Variants in GNAI1 observed in about 807,000 individuals in gnomAD.
GNAI1 encodes the protein guanine nucleotide-binding protein G(i) subunit alpha-1.
GNAI1 carries 11 observed loss-of-function variants against 38.9 expected under a neutral mutation model. That is an observed-to-expected ratio of 0.28 (90% confidence interval 0.18 to 0.47). The LOEUF is 0.47. Ranked by LOEUF, GNAI1 falls within the 20% of genes least tolerant of loss-of-function variation. The probability of loss-of-function intolerance (pLI) is 0.99; values close to 1 mark genes in which losing one functional copy is unlikely to be tolerated. For synonymous variants in GNAI1, 166 were observed against 145.1 expected (o/e 1.14, Z -1.04); for missense variants, 317 against 436.9 (o/e 0.73, Z 2.45).
At chr7:80,153,749 A>G (rs1787768639) in intron 1 of GNAI1, among the ~76,000 whole-genome samples, 1 of 148,436 alleles carries the variant, frequency 6.7e-6, no homozygotes, top group East Asian at 2.1e-4. Context: ...ACAAAGTGGT[A>G]TTTTATTTTT....
intron 7 of GNAI1, among the ~76,000 whole-genome samples, chr7:80,216,774 T>C (rs372003851): frequency 2.6e-5 from 4 of 152,174 alleles, no homozygotes; most frequent in East Asian, 3.9e-4. Context: ...AGTGTGTCAT[T>C]CACTTTTTTT....
At chr7:80,146,473 T>A (rs1384380373) in intron 1 of GNAI1, among the ~76,000 whole-genome samples, 1 of 152,196 alleles carries the variant, frequency 6.6e-6, no homozygotes, top group Non-Finnish European at 1.5e-5. Flanking sequence ...GGTTTTTGTG[T>A]TTTTTTCCCA....
intron 4 of GNAI1, among the ~76,000 whole-genome samples, chr7:80,201,047 T>C (rs1788678067): frequency 6.6e-6 from 1 of 152,210 alleles, no homozygotes; most frequent in South Asian, 2.1e-4. Context: ...TAATGTGTTT[T>C]TACCTAATAT....
intron 1 of GNAI1, among the ~76,000 whole-genome samples, chr7:80,156,629 T>C (rs1787823242): frequency 6.6e-6 from 1 of 152,150 alleles, no homozygotes; most frequent in East Asian, 1.9e-4. Context: ...AGGTGGTATC[T>C]TGCTCTGTTT....
chr7:80,181,326 A>G (rs906255871), intron 1 of GNAI1, among the ~76,000 whole-genome samples: 2 of 152,188 alleles, frequency 1.3e-5, no homozygotes, highest in African/African-American at 2.4e-5. Flanking sequence ...TTGCTTAAGT[A>G]TCTTAGGGAC....
intron 1 of GNAI1, among the ~76,000 whole-genome samples, chr7:80,137,307 C>CTTTTTTTTTTTTTTTTTTTTTTTTTTTT: frequency 1.6e-5 from 1 of 61,208 alleles, no homozygotes; most frequent in Non-Finnish European, 3.5e-5. Flanking sequence ...TTTTTTTTTT[C>CTTTTTTTTTTTTTTTTTTTTTTTTTTTT]TTTTCTTTTC....
intron 7 of GNAI1, among the ~76,000 whole-genome samples, chr7:80,214,690 A>G (rs543371204): frequency 6.6e-6 from 1 of 152,258 alleles, no homozygotes; most frequent in African/African-American, 2.4e-5. Flanking sequence ...GCAACTCTCA[A>G]TTTCCTGTGG....
intron 1 of GNAI1, among the ~76,000 whole-genome samples, chr7:80,186,586 C>T (rs918128287): frequency 6.6e-6 from 1 of 152,040 alleles, no homozygotes; most frequent in Non-Finnish European, 1.5e-5. Context: ...TTCTTCCTTT[C>T]GTGGATCTCA....
rs539429053 is a variant in GNAI1 at position 80,157,417 on chromosome 7, G to T, written c.118+22139G>T. On this transcript the variant is annotated intron_variant, in intron 1 of 7. Coordinates refer to ENST00000649796, the MANE Select transcript of GNAI1 (RefSeq NM_002069.6). ...AAGCTATTGTAAGCATCCATGTGTA[G>T]ATTTTTGTGTGGACATGTTTTAATG... Among the ~76,000 whole-genome samples, 32 of 152,306 alleles carry T rather than the reference G, an allele frequency of 2.1e-4. No homozygotes were observed. The South Asian group carries it at 6.6e-3, about 32-fold the overall frequency.
chr7:80,221,631 A>ATTTTC lies in GNAI1; in HGVS notation c.*4143_*4147dup, dbSNP rs1789076916. The stretch of plus-strand genomic sequence containing the variant: ...TTTATATTTTAATGTTAGGTTGGAA[A>ATTTTC]TTTTCTTTTTTTTTTTTTTTTTTTT... On this transcript the variant is annotated 3_prime_UTR_variant, in exon 8 of 8. Coordinates refer to ENST00000649796, the MANE Select transcript of GNAI1 (RefSeq NM_002069.6). Among the ~76,000 whole-genome samples, 1 of 78,466 alleles carries ATTTTC rather than the reference A, an allele frequency of 1.3e-5. No individual in the cohort carries two copies. Among genetic ancestry groups the ATTTTC allele is most frequent in the African/African-American group, 3.9e-5 (1 of 25,620 alleles). 51.5% of individuals were successfully genotyped at this position (78,466 alleles called of 152,430 possible).
intron 4 of GNAI1, 138 bp downstream of exon 4, chr7:80,199,520 A>G (rs537092624): frequency 3.2e-6 from 2 of 630,580 alleles, no homozygotes; most frequent in African/African-American, 1.8e-5. Flanking sequence ...CAATATTTTA[A>G]AACTTTGTCT....
At chr7:80,189,044 A>C in intron 2 of GNAI1, 46 bp from the exon 3 acceptor site, 1 of 1,601,158 alleles carries the variant, frequency 6.2e-7, no homozygotes, top group Admixed American at 1.7e-5. Flanking sequence ...GTACCGTTCT[A>C]CCAAAGGAAG....
chr7:80,167,959 ATTGTGCAGG>A (rs1194411224), intron 1 of GNAI1, among the ~76,000 whole-genome samples: 6 of 152,246 alleles, frequency 3.9e-5, no homozygotes, highest in Non-Finnish European at 8.8e-5. Context: ...TCATTAGCAA[ATTGTGCAGG>A]ACATGGAAAG....
At chr7:80,148,137 G>C (rs1158346888) in intron 1 of GNAI1, among the ~76,000 whole-genome samples, 2 of 152,148 alleles carry the variant, frequency 1.3e-5, no homozygotes, top group Non-Finnish European at 2.9e-5. Context: ...GATGAATGCA[G>C]TTTATAGGTC....
At chr7:80,186,748 A>G (rs887878692) in intron 1 of GNAI1, among the ~76,000 whole-genome samples, 2 of 152,128 alleles carry the variant, frequency 1.3e-5, no homozygotes, top group African/African-American at 2.4e-5. Context: ...GTGTCCCATC[A>G]TCACAGCATG....
At chr7:80,166,757 A>G (rs780517983) in intron 1 of GNAI1, among the ~76,000 whole-genome samples, 16 of 152,172 alleles carry the variant, frequency 1.1e-4, no homozygotes, top group Non-Finnish European at 1.5e-4. Flanking sequence ...TACTACTGTC[A>G]TAGATTGGGG....
At chr7:80,217,238 A>AGTTTCATATGTATGAAACTGAT in intron 7 of GNAI1, 65 bp from the exon 8 acceptor site, 1 of 323,780 alleles carries the variant, frequency 3.1e-6, no homozygotes, top group Non-Finnish European at 4.5e-6. Flanking sequence ...ATGAAACTGA[A>AGTTTCATATGTATGAAACTGAT]TTCAGTATTT....
rs1789141943 is a variant in GNAI1, at chr7:80,225,385, G to A, written c.*7892G>A. On this transcript the variant is annotated 3_prime_UTR_variant, in exon 8 of 8. Transcript: ENST00000649796. ...AGATACTGGAAAATTATTAAATCCA[G>A]TTTACAGACTCATCTCTTTAGTCTG... is the stretch of plus-strand genomic sequence containing the variant. Among the ~76,000 whole-genome samples the A allele has an allele frequency of 6.6e-6, 1 of 152,072 alleles. No individual in the cohort carries two copies. The highest frequency in any genetic ancestry group is 6.5e-5 in the Admixed American group (1 of 15,274).
chr7:80,186,491 TG>T (rs996315152), intron 1 of GNAI1, among the ~76,000 whole-genome samples: 2 of 152,142 alleles, frequency 1.3e-5, no homozygotes, highest in Non-Finnish European at 2.9e-5. Context: ...CAGGAAAATT[TG>T]TTTTTTTTTC....
Sources: allele counts gnomAD v4.1 joint callset (sites outside exome capture counted in the v4.1 genomes callset), GRCh38; gene constraint gnomAD v4.1.1; transcripts MANE v1.5; gene names NCBI Gene and HGNC (gene_info 2026-07-23, HGNC 2026-07-21).